Variants in COL5A1 observed in about 807,000 individuals in gnomAD.
COL5A1 encodes the protein collagen alpha-1(V) chain.
In COL5A1, 16 loss-of-function variants were observed where a neutral mutation model predicts 263.7. That is an observed-to-expected ratio of 0.06 (90% confidence interval 0.04 to 0.09). The LOEUF (loss-of-function observed/expected upper bound fraction) is 0.09. Among genes scored for constraint, COL5A1 ranks in the 10% least tolerant of loss-of-function variants. COL5A1 has a pLI of 1.00. For synonymous variants in COL5A1, 1,012 were observed against 1,004.5 expected (o/e 1.01, Z -0.14); for missense variants, 2,036 against 2,540.5 (o/e 0.80, Z 4.27).
Position 134,700,685 on chromosome 9 carries a change from A to G in COL5A1, c.492-486A>G, listed in dbSNP as rs1833639571. On this transcript the variant is annotated intron_variant, in intron 3 of 65. Transcript: ENST00000371817. The surrounding 1 kb of genome is among the most constrained non-coding windows in gnomAD (Gnocchi z 4.0). Reference sequence around the variant, plus strand: ...ACTTTCAGACAGATCCACTCCTTCCACCATTTCCCGTCCACACCCGGTCTT... The same window carrying G: ...ACTTTCAGACAGATCCACTCCTTCCGCCATTTCCCGTCCACACCCGGTCTT... Among the ~76,000 whole-genome samples the G allele has an allele frequency of 1.3e-5, 2 of 152,020 alleles. No homozygotes were observed.
intron 1 of COL5A1, chr9:134,649,378 C>A (rs182813431): frequency 0.014 from 5,811 of 416,278 alleles, 330 homozygotes; most frequent in South Asian, 0.095. Context: ...GGAACCACAG[C>A]CTGACCCACT....
chr9:134,803,453 G>C (rs2132823346), intron 39 of COL5A1, among the ~76,000 whole-genome samples: 1 of 152,218 alleles, frequency 6.6e-6, no homozygotes, highest in Admixed American at 6.5e-5. Flanking sequence ...TGGCCAACAT[G>C]ACGAAACCCC....
chr9:134,811,524 G>A lies in COL5A1; in HGVS notation c.3615G>A (p.Gln1205=). The A allele has an allele frequency of 6.2e-7, 1 of 1,606,612 alleles. No homozygotes were observed. Among genetic ancestry groups the A allele is most frequent in the South Asian group, 1.1e-5 (1 of 90,462 alleles). The part of the protein sequence containing the change: ...GADGEPGPRG[Q]QGLFGQKGDE... ...ACGGCGAGCCGGGGCCTCGGGGCCA[G>A]CAGGGCCTTTTCGGGCAGAAAGGTG... Residue 1205 remains glutamine, a synonymous_variant, in exon 46 of 66, where the codon CAG becomes CAA. Coordinates refer to ENST00000371817, the MANE Select transcript of COL5A1 (RefSeq NM_000093.5).
At chr9:134,782,448 C>G in intron 28 of COL5A1, 1 of 648,156 alleles carries the variant, frequency 1.5e-6, no homozygotes, top group Non-Finnish European at 2.8e-6. Flanking sequence ...AGCAGGGACG[C>G]AGCTCTCTCC....
chr9:134,730,646 T>C (rs1219786536), intron 7 of COL5A1, among the ~76,000 whole-genome samples, 171 bp downstream of exon 7: 1 of 152,242 alleles, frequency 6.6e-6, no homozygotes, highest in Non-Finnish European at 1.5e-5. Flanking sequence ...GGTGGCGTAA[T>C]ACTTCCCAGG....
chr9:134,690,573 G>A (rs918901113), intron 1 of COL5A1, among the ~76,000 whole-genome samples: 7 of 152,184 alleles, frequency 4.6e-5, no homozygotes, highest in African/African-American at 1.7e-4. Flanking sequence ...CAGGAGCCAC[G>A]AGAGCGCAGT....
At chr9:134,672,363 G>T (rs1034518417) in intron 1 of COL5A1, among the ~76,000 whole-genome samples, 2 of 152,172 alleles carry the variant, frequency 1.3e-5, no homozygotes, top group Non-Finnish European at 2.9e-5. Context: ...TGATGTTAAT[G>T]ATGTTGGTTT....
chr9:134,826,217 A>T (rs1173503493), intron 63 of COL5A1, among the ~76,000 whole-genome samples: 1 of 152,240 alleles, frequency 6.6e-6, no homozygotes, highest in African/African-American at 2.4e-5. Flanking sequence ...CAGTGGTCCC[A>T]CTGACCTGAG....
Position 134,767,034 on chromosome 9 carries a change from A to G in COL5A1, c.2168A>G (p.Gln723Arg). Residue 723 changes from glutamine (Q) to arginine (R), a missense_variant, in exon 23 of 66, where the codon CAG becomes CGG. Around this residue, in one of 3 missense-constraint regions of COL5A1, gnomAD observed 1,078 missense variants for 1,521.4 expected, o/e 0.71. Coordinates refer to ENST00000371817, the MANE Select transcript of COL5A1 (RefSeq NM_000093.5). ...PQGEPGPPGQQGNPGAQGLPG... is the reference protein window; with the variant it reads ...PQGEPGPPGQRGNPGAQGLPG... ...GGAGAGCCTGGCCCCCCAGGACAGC[A>G]GGGTAATCCAGGCGCCCAGGTAAGT... is the stretch of plus-strand genomic sequence containing the variant. The G allele has an allele frequency of 1.2e-6, 2 of 1,613,632 alleles. 1 individual carries two copies. The highest frequency in any genetic ancestry group is 2.2e-5 in the South Asian group (2 of 91,014).
At chr9:134,645,134 G>T (rs1236863161) in intron 1 of COL5A1, among the ~76,000 whole-genome samples, 6 of 152,174 alleles carry the variant, frequency 3.9e-5, no homozygotes. Flanking sequence ...GCAGCCCCAG[G>T]CAGGGGCGTG....
At position 134,711,145 on chromosome 9, in the gene COL5A1, C is replaced by T. The variant is rs527823094; in HGVS notation, c.654+9812C>T. Among the ~76,000 whole-genome samples, 67 of 152,214 alleles carry T rather than the reference C, an allele frequency of 4.4e-4. No homozygotes were observed. The South Asian group carries it at 0.012, about 26-fold the overall frequency. On this transcript the variant is annotated intron_variant, in intron 4 of 65. Transcript: ENST00000371817. ...CCTCCGCCTCTGGGCATGAATTGTT[C>T]GGTCGGTGGTTTGGTGCCTGGAAGA...
chr9:134,707,838 G>T (rs1211014002), intron 4 of COL5A1, among the ~76,000 whole-genome samples: 1 of 152,210 alleles, frequency 6.6e-6, no homozygotes, highest in South Asian at 2.1e-4. Flanking sequence ...CTGGGCAGCC[G>T]GGGAAGCCCC....
At chr9:134,683,049 G>C (rs1832908257) in intron 1 of COL5A1, among the ~76,000 whole-genome samples, 1 of 152,226 alleles carries the variant, frequency 6.6e-6, no homozygotes, top group South Asian at 2.1e-4. Context: ...TCCTGGGCAG[G>C]GGAGGCACCC....
intron 39 of COL5A1, 117 bp from the exon 40 acceptor site, chr9:134,804,858 A>G (rs920468336): frequency 2.5e-5 from 21 of 851,976 alleles, no homozygotes; most frequent in Non-Finnish European, 4.1e-5. Flanking sequence ...GGGACTGGTG[A>G]GAGGTCTGCG....
At chr9:134,776,781 A>G (rs751394608) in intron 27 of COL5A1, among the ~76,000 whole-genome samples, 1 of 152,226 alleles carries the variant, frequency 6.6e-6, no homozygotes, top group African/African-American at 2.4e-5. Flanking sequence ...ATTATTTCTC[A>G]CAGTCCTGGA....
intron 53 of COL5A1, among the ~76,000 whole-genome samples, chr9:134,817,285 C>T (rs1023701551): frequency 2.6e-4 from 39 of 152,234 alleles, no homozygotes; most frequent in African/African-American, 9.4e-4. Context: ...CCTTTTAGGA[C>T]AGGCCGCCTG....
In COL5A1 at chr9:134,817,762, C is replaced by T; in HGVS notation, c.4177-16C>T. The T allele has an allele frequency of 1.2e-6, 2 of 1,611,044 alleles. No individual in the cohort carries two copies. The highest frequency in any genetic ancestry group is 1.7e-6 in the Non-Finnish European group (2 of 1,178,692). ...CAGGCCACACTCACCACCTGCTGTT[C>T]TCTTGCTTCTTTCAGGGTCCCCCAG... On this transcript the variant is annotated splice_polypyrimidine_tract_variant and intron_variant, in intron 53 of 65. Transcript: ENST00000371817.
intron 1 of COL5A1, among the ~76,000 whole-genome samples, chr9:134,654,257 G>C (rs1831818921): frequency 7.0e-6 from 1 of 143,808 alleles, no homozygotes; most frequent in African/African-American, 2.6e-5. Context: ...GGGTGTTTTG[G>C]GCTGTAGGTG....
Position 134,796,870 on chromosome 9 carries a change from C to A in COL5A1, c.2867C>A (p.Pro956His), listed in dbSNP as rs762181563. Residue 956 changes from proline to histidine, a missense_variant, in exon 36 of 66, where the codon CCC becomes CAC. Physicochemically the swap from Pro to His is moderately conservative, Grantham distance 77. This residue lies in a region of COL5A1 where 1,078 missense variants were observed against 1,521.4 expected (regional missense o/e 0.71). Coordinates refer to ENST00000371817, the MANE Select transcript of COL5A1 (RefSeq NM_000093.5). ...CAGGGACCCAATGGACCCCAAGGAC[C>A]CACAGGATTTCCTGGACCAAAGGGC... is the stretch of plus-strand genomic sequence containing the variant. ...GERGPNGPQG[P>H]TGFPGPKGPP... 1 of 1,614,056 alleles carries A rather than the reference C, an allele frequency of 6.2e-7. No individual in the cohort carries two copies. Among genetic ancestry groups the A allele is most frequent in the South Asian group, 1.1e-5 (1 of 91,066 alleles).
Sources: gnomAD v4.1 joint callset for allele counts (sites outside exome capture counted in the v4.1 genomes callset) on GRCh38, gnomAD v4.1.1 for gene constraint, gnomAD v4.1.1 regional missense constraint, Gnocchi (gnomAD v3.1) non-coding constraint, MANE v1.5 for transcripts, NCBI Gene and HGNC (gene_info 2026-07-23, HGNC 2026-07-21) for gene names.